The following CATSPERE variants were observed in gnomAD, a reference collection of about 807,000 sequenced individuals.
CATSPERE encodes catsper channel auxiliary subunit epsilon.
In CATSPERE, 93 loss-of-function variants were observed where a neutral mutation model predicts 114.1. The ratio of observed to expected loss-of-function variants is 0.81; its 90% CI spans 0.69 to 0.97. CATSPERE has a LOEUF of 0.97. CATSPERE is among the 50% of genes least tolerant of loss of function. The probability of loss-of-function intolerance (pLI) is 0.00; values close to 1 mark genes in which losing one functional copy is unlikely to be tolerated. For missense variants in CATSPERE, 1,058 were observed against 1,131.6 expected (o/e 0.93, Z 0.93); for synonymous variants, 341 against 384.1 (o/e 0.89, Z 1.31).
intron 17 of CATSPERE, among the ~76,000 whole-genome samples, chr1:244,601,235 T>C (rs1480203187): frequency 6.6e-6 from 1 of 151,686 alleles, no homozygotes; most frequent in Non-Finnish European, 1.5e-5. Context: ...TACAAATAGG[T>C]AAACAGATAA....
intron 14 of CATSPERE, among the ~76,000 whole-genome samples, chr1:244,591,469 G>A (rs1280301051): frequency 6.6e-6 from 1 of 152,158 alleles, no homozygotes; most frequent in African/African-American, 2.4e-5. Context: ...TAAATCAGTA[G>A]ATTTCAAATT....
At position 244,519,679 on chromosome 1, in the gene CATSPERE, A is replaced by G. The variant is rs3003270; in HGVS notation, c.536+981A>G. Among the ~76,000 whole-genome samples, 1,107 of 152,334 alleles carry G rather than the reference A, an allele frequency of 7.3e-3. 14 individuals carry two copies. The highest frequency in any genetic ancestry group is 0.025 in the African/African-American group (1,026 of 41,578). On this transcript the variant is annotated intron_variant, in intron 8 of 21. Coordinates refer to ENST00000366534, the MANE Select transcript of CATSPERE (RefSeq NM_001130957.2). The stretch of plus-strand genomic sequence containing the variant: ...TCCTGCCTTGAGCCCTGAGCTGCCA[A>G]AATGGGCTCTGGCCAACCACAACCC...
chr1:244,465,324 G>A (rs372412445), intron 2 of CATSPERE, among the ~76,000 whole-genome samples: 1 of 152,088 alleles, frequency 6.6e-6, no homozygotes, highest in African/African-American at 2.4e-5. Flanking sequence ...CTGAGCCACC[G>A]CGCCTGTCCA....
intron 1 of CATSPERE, among the ~76,000 whole-genome samples, chr1:244,462,321 ATAAT>A (rs1179124785): frequency 2.0e-5 from 3 of 152,188 alleles, no homozygotes; most frequent in East Asian, 1.9e-4. Context: ...AATATAAGAC[ATAAT>A]TAATAAAGCA....
chr1:244,562,726 C>A (rs1662765300), intron 10 of CATSPERE, among the ~76,000 whole-genome samples: 1 of 151,706 alleles, frequency 6.6e-6, no homozygotes, highest in Admixed American at 6.6e-5. Context: ...TTCCTTATTT[C>A]TGTTTTATTT....
chr1:244,534,264 G>C (rs1179774315), intron 8 of CATSPERE, among the ~76,000 whole-genome samples: 1 of 151,998 alleles, frequency 6.6e-6, no homozygotes, highest in Non-Finnish European at 1.5e-5. Flanking sequence ...AACTCTGCTT[G>C]GTGTTCTGTA....
chr1:244,581,487 G>C (rs983614316), intron 11 of CATSPERE, among the ~76,000 whole-genome samples: 1 of 152,110 alleles, frequency 6.6e-6, no homozygotes, highest in Non-Finnish European at 1.5e-5. Context: ...TTATAATTTT[G>C]CAACATTTTA....
chr1:244,451,487 C>T (rs1572155242), upstream of CATSPERE: 1 of 865,128 alleles, frequency 1.2e-6, no homozygotes, highest in Non-Finnish European at 1.7e-6. This position sits in a 1 kb window ranked among gnomAD's most constrained non-coding sequence, Gnocchi z 6.6. Context: ...TCCACGTAGC[C>T]GCAGCTCAGG....
At chr1:244,576,425 C>T (rs1164193802) in intron 11 of CATSPERE, among the ~76,000 whole-genome samples, 1 of 150,152 alleles carries the variant, frequency 6.7e-6, no homozygotes, top group Non-Finnish European at 1.5e-5. Flanking sequence ...AAAGTTTTCT[C>T]AGCAAGGCAA....
intron 9 of CATSPERE, among the ~76,000 whole-genome samples, chr1:244,559,141 T>A (rs921944607): frequency 6.6e-6 from 1 of 152,200 alleles, no homozygotes; most frequent in African/African-American, 2.4e-5. Context: ...TCCTTGGAAT[T>A]CTTATCTATC....
In CATSPERE at chr1:244,607,392, C is replaced by T. The variant is rs1006075595; in HGVS notation, c.2403+1598C>T. Among the ~76,000 whole-genome samples, 1 of 152,148 alleles carries T rather than the reference C, an allele frequency of 6.6e-6. No individual in the cohort carries two copies. The highest frequency in any genetic ancestry group is 1.5e-5 in the Non-Finnish European group (1 of 68,028). On this transcript the variant is annotated intron_variant, in intron 18 of 21. Transcript: ENST00000366534. This position sits in a 1 kb window ranked among gnomAD's most constrained non-coding sequence, Gnocchi z 4.4. ...CTATGCCATCCCTACTTACTGGTAC[C>T]GTATACTCAGAACTGGATCACTTTT...
Position 244,560,923 on chromosome 1 carries a change from A to C in CATSPERE, c.1285A>C (p.Lys429Gln), listed in dbSNP as rs530054831. ...CTTAGTGATATATAATGAAGATACA[A>C]AACAGTGGGTTTCCCAAGACTTTAC... is the stretch of plus-strand genomic sequence containing the variant. The part of the protein sequence containing the change: ...IFLVIYNEDT[K>Q]QWVSQDFTLD... Residue 429 changes from lysine to glutamine, a missense_variant, in exon 10 of 22, where the codon AAA (lysine) becomes CAA (glutamine). By Grantham distance (53) the Lys-to-Gln change is moderately conservative. This residue lies in a region of CATSPERE where 787 missense variants were observed against 905.6 expected (regional missense o/e 0.87). Transcript: ENST00000366534. 32 of 1,614,148 alleles carry C rather than the reference A, an allele frequency of 2.0e-5. 1 individual carries two copies. The South Asian group carries it at 3.4e-4, about 17-fold the overall frequency.
At position 244,572,488 on chromosome 1, in the gene CATSPERE, T is replaced by C; in HGVS notation, c.1666T>C (p.Leu556=). ...TSGQTYFLYA[L]DDGTIQIQDY... is the part of the protein sequence containing the mutation. ...TGGTCAAACATATTTCCTGTATGCTTTGGATGATGGCACAATACAAATACA... is the reference window on the plus strand; with the variant it reads ...TGGTCAAACATATTTCCTGTATGCTCTGGATGATGGCACAATACAAATACA... Residue 556 remains leucine, a synonymous_variant, in exon 11 of 22, where the codon TTG becomes CTG. Coordinates refer to ENST00000366534, the MANE Select transcript of CATSPERE (RefSeq NM_001130957.2). The C allele has an allele frequency of 4.3e-6, 7 of 1,614,140 alleles. No individual in the cohort carries two copies. Among genetic ancestry groups the C allele is most frequent in the Non-Finnish European group, 5.9e-6 (7 of 1,179,996 alleles).
Position 244,477,566 on chromosome 1 carries a change from T to G in CATSPERE, c.140T>G (p.Leu47Ter). Residue 47 changes from leucine (L) to a stop codon, truncating the protein, a stop_gained, in exon 3 of 22, where the codon TTA (leucine) becomes TGA (stop). Transcript: ENST00000366534. LOFTEE classifies it high-confidence loss of function. The part of the protein sequence containing the change: ...STIKLEYEGT[L>*]FTEWSVPETC... ...ATTAAGTTAGAGTATGAAGGAACAT[T>G]ATTTACTGAGTGGAGTGTGCCAGAA... 6.2e-7 allele frequency: 1 copy of G among 1,600,752 alleles called. No individual in the cohort carries two copies. Among genetic ancestry groups the G allele is most frequent in the Non-Finnish European group, 8.6e-7 (1 of 1,169,146 alleles).
chr1:244,562,417 C>T (rs1662717492), intron 10 of CATSPERE, among the ~76,000 whole-genome samples: 1 of 152,126 alleles, frequency 6.6e-6, no homozygotes, highest in African/African-American at 2.4e-5. Context: ...TGTACACACA[C>T]TGATACAAGT....
At chr1:244,570,529 T>C (rs1292785840) in intron 10 of CATSPERE, among the ~76,000 whole-genome samples, 1 of 152,254 alleles carries the variant, frequency 6.6e-6, no homozygotes. Flanking sequence ...TTTCTTATTT[T>C]CTAAGCATTT....
upstream of CATSPERE, chr1:244,451,964 A>G: frequency 1.3e-6 from 1 of 785,664 alleles, no homozygotes; most frequent in African/African-American, 1.9e-5. The surrounding 1 kb of genome is among the most constrained non-coding windows in gnomAD (Gnocchi z 6.6). Flanking sequence ...GCCACCCTCC[A>G]GCCAGTCCCC....
chr1:244,590,173 T>A (rs949160055), intron 14 of CATSPERE, among the ~76,000 whole-genome samples: 18 of 152,190 alleles, frequency 1.2e-4, no homozygotes, highest in Non-Finnish European at 2.4e-4. Flanking sequence ...AATGGTCAGA[T>A]GAATAATTTA....
chr1:244,539,150 A>G (rs983383200), intron 8 of CATSPERE, among the ~76,000 whole-genome samples: 92 of 152,142 alleles, frequency 6.0e-4, no homozygotes, highest in Non-Finnish European at 2.8e-4. Context: ...ACGTCCCATC[A>G]ATACCTAATT....
Sources: gnomAD v4.1 joint callset for allele counts (sites outside exome capture counted in the v4.1 genomes callset) on GRCh38, gnomAD v4.1.1 for gene constraint, gnomAD v4.1.1 regional missense constraint, Gnocchi (gnomAD v3.1) non-coding constraint, MANE v1.5 for transcripts, NCBI Gene and HGNC (gene_info 2026-07-23, HGNC 2026-07-21) for gene names.